The following KIAA0825 variants were observed in gnomAD, a reference collection of about 807,000 sequenced individuals.
KIAA0825 encodes uncharacterized protein KIAA0825.
In KIAA0825, 119 loss-of-function variants were observed where a neutral mutation model predicts 147.6. That is an observed-to-expected ratio of 0.81 (90% confidence interval 0.69 to 0.94). The LOEUF (loss-of-function observed/expected upper bound fraction) is 0.94, where lower values mean the gene tolerates loss of function less well. Among genes scored for constraint, KIAA0825 ranks in the 40% least tolerant of loss-of-function variants. The pLI, the probability that KIAA0825 is intolerant of heterozygous loss-of-function variation, is 0.00. For synonymous variants in KIAA0825, 470 were observed against 518.1 expected, an observed-to-expected ratio of 0.91 and a Z score of 1.26; for missense variants, 1,381 against 1,472.7, an observed-to-expected ratio of 0.94 and a Z score of 1.02.
intron 18 of KIAA0825, among the ~76,000 whole-genome samples, chr5:94,388,552 T>C (rs1331836333): frequency 1.3e-5 from 2 of 152,364 alleles, no homozygotes; most frequent in Non-Finnish European, 2.9e-5. Flanking sequence ...AATACTTTCG[T>C]TTTTATTGAC....
At chr5:94,231,791 A>G (rs2150086354) in intron 20 of KIAA0825, among the ~76,000 whole-genome samples, 1 of 152,264 alleles carries the variant, frequency 6.6e-6, no homozygotes, top group East Asian at 1.9e-4. Context: ...GATAATTCAA[A>G]TAATATATTT....
chr5:94,239,617 A>G (rs1271337975), intron 20 of KIAA0825, among the ~76,000 whole-genome samples: 1 of 152,218 alleles, frequency 6.6e-6, no homozygotes, highest in Non-Finnish European at 1.5e-5. Flanking sequence ...TTTCTGCTCT[A>G]GAAATTATAC....
intron 16 of KIAA0825, among the ~76,000 whole-genome samples, chr5:94,401,402 T>C (rs547618236): frequency 2.2e-4 from 34 of 152,280 alleles, no homozygotes; most frequent in Non-Finnish European, 4.1e-4. Flanking sequence ...AGTTGACTTA[T>C]TGGTTTATAG....
intron 20 of KIAA0825, among the ~76,000 whole-genome samples, chr5:94,284,391 T>C (rs1026531952): frequency 6.6e-6 from 1 of 152,180 alleles, no homozygotes; most frequent in Non-Finnish European, 1.5e-5. Flanking sequence ...TAATTATACC[T>C]TAAGACACTG....
intron 2 of KIAA0825, among the ~76,000 whole-genome samples, chr5:94,572,412 C>T (rs1443428805): frequency 1.3e-5 from 2 of 152,158 alleles, no homozygotes; most frequent in Admixed American, 6.5e-5. Context: ...GGGCTATTGG[C>T]AATTTAGCCA....
chr5:94,450,931 A>T (rs1338564644), intron 13 of KIAA0825, among the ~76,000 whole-genome samples: 1 of 152,214 alleles, frequency 6.6e-6, no homozygotes, highest in Non-Finnish European at 1.5e-5. Context: ...CTTAAGCTTT[A>T]GAATAGAACA....
chr5:94,524,048 G>C lies in KIAA0825; in HGVS notation c.182C>G (p.Pro61Arg). 1 of 1,609,290 alleles carries C rather than the reference G, an allele frequency of 6.2e-7. No homozygotes were observed. Reference protein sequence around the residue: ...EIQSEINKQCPGVQLQTTTDC... With the variant: ...EIQSEINKQCRGVQLQTTTDC... ...AGTTGTTGTTTGCAGCTGCACACCTGGACATTGTTTGTTAATTTCGGACTG... is the reference window on the plus strand; with the variant it reads ...AGTTGTTGTTTGCAGCTGCACACCTCGACATTGTTTGTTAATTTCGGACTG... The change falls in exon 4 of 21, where the codon CCA becomes CGA. Residue 61 changes from proline (P) to arginine (R), a missense_variant. Coordinates refer to ENST00000682413, the MANE Select transcript of KIAA0825 (RefSeq NM_001145678.3).
At chr5:94,559,046 A>G (rs1777083935) in intron 2 of KIAA0825, among the ~76,000 whole-genome samples, 1 of 152,142 alleles carries the variant, frequency 6.6e-6, no homozygotes, top group African/African-American at 2.4e-5. Flanking sequence ...GTCATGTAAA[A>G]CTTAATCAAA....
rs986785902 is a variant in KIAA0825 at position 94,234,713 on chromosome 5, A to C, written c.3711-80589T>G. On this transcript the variant is annotated intron_variant, in intron 20 of 20. Coordinates refer to ENST00000682413, the MANE Select transcript of KIAA0825 (RefSeq NM_001145678.3). ...ACTTAAATGACCAGATCTTGTGTGA[A>C]CTCAGAATGAGAGCTCACTTATCAC... Among the ~76,000 whole-genome samples, 24 of 152,092 alleles carry C rather than the reference A, an allele frequency of 1.6e-4. 1 individual carries two copies. The highest frequency in any genetic ancestry group is 5.9e-5 in the Non-Finnish European group (4 of 68,024).
At chr5:94,483,860 G>A (rs891330937) in intron 6 of KIAA0825, among the ~76,000 whole-genome samples, 7 of 151,360 alleles carry the variant, frequency 4.6e-5, no homozygotes, top group African/African-American at 9.7e-5. Flanking sequence ...CCAAGAGATC[G>A]GTTTTGGGGA....
chr5:94,514,578 GGGAGAGCTA>G (rs942247692), intron 5 of KIAA0825, among the ~76,000 whole-genome samples: 2 of 152,246 alleles, frequency 1.3e-5, no homozygotes, highest in Non-Finnish European at 2.9e-5. Context: ...CCAGGACTTT[GGGAGAGCTA>G]CTTAACTTGT....
intron 20 of KIAA0825, among the ~76,000 whole-genome samples, chr5:94,225,646 C>T (rs560758685): frequency 6.6e-6 from 1 of 152,256 alleles, no homozygotes; most frequent in Admixed American, 6.5e-5. Flanking sequence ...AGGAAGTTGG[C>T]TCTTAGCAGG....
chr5:94,507,956 C>T (rs1462105552), intron 5 of KIAA0825, among the ~76,000 whole-genome samples: 2 of 152,132 alleles, frequency 1.3e-5, no homozygotes, highest in Non-Finnish European at 2.9e-5. Context: ...TTAAGTGATG[C>T]CAATAACTAT....
intron 20 of KIAA0825, among the ~76,000 whole-genome samples, chr5:94,249,495 A>G (rs1362350796): frequency 6.6e-6 from 1 of 152,234 alleles, no homozygotes; most frequent in East Asian, 1.9e-4. Context: ...TAGTGACAGC[A>G]GAGCACTAAA....
At chr5:94,374,764 T>C (rs938183750) in intron 20 of KIAA0825, among the ~76,000 whole-genome samples, 14 of 152,166 alleles carry the variant, frequency 9.2e-5, no homozygotes, top group African/African-American at 3.4e-4. Flanking sequence ...AGGTATCAGA[T>C]CAGCAACTCA....
intron 20 of KIAA0825, among the ~76,000 whole-genome samples, chr5:94,155,529 TA>T (rs1766965307): frequency 6.6e-6 from 1 of 152,160 alleles, no homozygotes; most frequent in Admixed American, 6.5e-5. Context: ...TCTGTTCCCA[TA>T]CTAGTTTCCT....
intron 20 of KIAA0825, among the ~76,000 whole-genome samples, chr5:94,267,884 A>G (rs1583990420): frequency 6.6e-6 from 1 of 152,170 alleles, no homozygotes; most frequent in East Asian, 1.9e-4. Context: ...AACATTCATT[A>G]GGACCCACAA....
At chr5:94,427,528 C>A (rs1319414990) in intron 14 of KIAA0825, among the ~76,000 whole-genome samples, 2 of 151,788 alleles carry the variant, frequency 1.3e-5, no homozygotes, top group African/African-American at 4.8e-5. Context: ...AGTGCAAGAC[C>A]CTGTCTCAAA....
intron 15 of KIAA0825, chr5:94,416,619 C>T (rs1263558286): frequency 6.6e-6 from 1 of 152,164 alleles, no homozygotes; most frequent in African/African-American, 2.4e-5. Flanking sequence ...GGTGGGGCAA[C>T]CCATCAAAAC....
Sources: allele counts gnomAD v4.1 joint callset (sites outside exome capture counted in the v4.1 genomes callset), GRCh38; gene constraint gnomAD v4.1.1; transcripts MANE v1.5; gene names NCBI Gene and HGNC (gene_info 2026-07-23, HGNC 2026-07-21).